TMF1: variants seen among roughly 807,000 people sequenced by gnomAD.
TMF1 encodes TATA element modulatory factor 1.
A neutral mutation model predicts 126.5 loss-of-function variants in TMF1; 71 were observed. That is an observed-to-expected ratio of 0.56 (90% CI 0.46 to 0.68). TMF1 has a LOEUF of 0.68. Among genes scored for constraint, TMF1 ranks in the 30% least tolerant of loss-of-function variants. The pLI is 0.00. For missense variants in TMF1, 1,259 were observed against 1,253.2 expected (o/e 1.00, Z -0.07); for synonymous variants, 461 against 430.5 (o/e 1.07, Z -0.88).
At chr3:69,047,244 C>T (rs185842953) in intron 2 of TMF1, 114 bp downstream of exon 2, 34 of 1,259,554 alleles carry the variant, frequency 2.7e-5, no homozygotes, top group Admixed American at 2.6e-5. Flanking sequence ...TGGCAAAATG[C>T]GTATGTTTTT....
At chr3:69,035,154 C>A in intron 8 of TMF1, 39 bp from the exon 9 acceptor site, 1 of 1,528,820 alleles carries the variant, frequency 6.5e-7, no homozygotes, top group East Asian at 2.2e-5. Context: ...AACAATGGTA[C>A]AGTATTATCT....
At chr3:69,029,065 G>A in intron 11 of TMF1, among the ~76,000 whole-genome samples, 1 of 149,632 alleles carries the variant, frequency 6.7e-6, no homozygotes, top group African/African-American at 2.5e-5. Context: ...TGGAGACGGA[G>A]TCTCGCTCTG....
At position 69,028,279 on chromosome 3, in the gene TMF1, C is replaced by T; in HGVS notation, c.2611G>A (p.Glu871Lys). The T allele has an allele frequency of 1.2e-6, 2 of 1,611,496 alleles. No homozygotes were observed. The highest frequency in any genetic ancestry group is 4.5e-5 in the East Asian group (2 of 44,836). ...CTTACATATTCATCTTTTAGGTTTT[C>T]CAATTCAACCTGGTACCTATTAAAC... ...DENNRYQVEL[E>K]NLKDEYVRTL... Residue 871 changes from glutamate to lysine, a missense_variant, in exon 12 of 17, where the codon GAA (glutamate) becomes AAA (lysine). By Grantham distance (56) the Glu-to-Lys change is moderately conservative. Transcript: ENST00000398559.
chr3:69,046,927 A>G (rs553782809), intron 2 of TMF1, among the ~76,000 whole-genome samples: 1 of 152,330 alleles, frequency 6.6e-6, no homozygotes, highest in East Asian at 1.9e-4. Context: ...TTTGCTACAA[A>G]TAATGTAAAC....
intron 13 of TMF1, 50 bp downstream of exon 13, chr3:69,027,850 G>C (rs1434948996): frequency 2.2e-6 from 2 of 917,236 alleles, no homozygotes; most frequent in African/African-American, 3.3e-5. Context: ...ATTAATCACA[G>C]CATCTACTAA....
chr3:69,037,178 A>T (rs1293390356), intron 8 of TMF1, among the ~76,000 whole-genome samples: 1 of 152,234 alleles, frequency 6.6e-6, no homozygotes, highest in Non-Finnish European at 1.5e-5. Flanking sequence ...ATGAAAAGAC[A>T]TCCAACATCA....
At chr3:69,046,871 T>C (rs1000073728) in intron 2 of TMF1, among the ~76,000 whole-genome samples, 5 of 152,144 alleles carry the variant, frequency 3.3e-5, no homozygotes, top group African/African-American at 2.4e-5. Context: ...AAAATACTAA[T>C]AACAGAAAAG....
At chr3:69,050,167 C>T (rs558449961) in intron 1 of TMF1, among the ~76,000 whole-genome samples, 21 of 150,214 alleles carry the variant, frequency 1.4e-4, no homozygotes, top group Admixed American at 1.2e-3. Context: ...GGTTGAGGCA[C>T]GAGAATCACT....
At chr3:69,029,042 A>T (rs867789196) in intron 11 of TMF1, among the ~76,000 whole-genome samples, 1,662 of 146,264 alleles carry the variant, frequency 0.011, 35 homozygotes, top group African/African-American at 0.039. Context: ...TACTTTATTT[A>T]TTTTTTTTTT....
At position 69,047,837 on chromosome 3, in the gene TMF1, G is replaced by C. The variant is rs750590071; in HGVS notation, c.868C>G (p.Gln290Glu). ...TDSKSSLHLM[Q>E]TSFQLLSASA... ...GCAGAGAGAAGCTGAAAAGATGTCTGCATCAAGTGAAGACTTGATTTTGAA... is the reference window on the plus strand; with the variant it reads ...GCAGAGAGAAGCTGAAAAGATGTCTCCATCAAGTGAAGACTTGATTTTGAA... The change falls in exon 2 of 17, where the codon CAG becomes GAG. Residue 290 changes from glutamine (Q) to glutamate (E), a missense_variant. Physicochemically the swap from Gln to Glu is conservative, Grantham distance 29. Transcript: ENST00000398559. 6.2e-7 allele frequency: 1 copy of C among 1,614,048 alleles called. No individual in the cohort carries two copies. The highest frequency in any genetic ancestry group is 1.7e-5 in the Admixed American group (1 of 60,020).
chr3:69,025,494 A>C, intron 15 of TMF1, 66 bp downstream of exon 15: 1 of 1,435,752 alleles, frequency 7.0e-7, no homozygotes, highest in Non-Finnish European at 9.5e-7. Flanking sequence ...GATGGAAATG[A>C]AGGGTGCTAT....
chr3:69,028,029 T>A, intron 12 of TMF1, 37 bp from the exon 13 acceptor site: 1 of 1,277,934 alleles, frequency 7.8e-7, no homozygotes, highest in African/African-American at 1.5e-5. Context: ...ATTTCTGTGA[T>A]AGTAATTCAT....
intron 1 of TMF1, among the ~76,000 whole-genome samples, chr3:69,049,443 A>G (rs1442811591): frequency 6.6e-6 from 1 of 152,250 alleles, no homozygotes; most frequent in African/African-American, 2.4e-5. Context: ...CGAAGATCAT[A>G]TTAAACTGAT....
chr3:69,035,202 A>G (rs1456721381), intron 8 of TMF1, 87 bp from the exon 9 acceptor site: 4 of 1,105,800 alleles, frequency 3.6e-6, no homozygotes, highest in Non-Finnish European at 5.4e-6. Flanking sequence ...TGTTGTGTCA[A>G]CATTGTTCAT....
intron 3 of TMF1, 117 bp from the exon 4 acceptor site, chr3:69,043,993 G>T (rs1223446680): frequency 1.3e-6 from 1 of 781,036 alleles, no homozygotes; most frequent in African/African-American, 1.8e-5. Context: ...TATTAAAATA[G>T]AACAGTTTTA....
At chr3:69,034,190 T>C (rs2091820155) in intron 9 of TMF1, among the ~76,000 whole-genome samples, 1 of 152,256 alleles carries the variant, frequency 6.6e-6, no homozygotes, top group East Asian at 1.9e-4. Context: ...AGTACTTCTT[T>C]GGCCAGGCAC....
In TMF1 at chr3:69,047,567, C is replaced by G. The variant is rs772821830; in HGVS notation, c.1138G>C (p.Val380Leu). 25 of 1,614,126 alleles carry G rather than the reference C, an allele frequency of 1.5e-5. No individual in the cohort carries two copies. The highest frequency in any genetic ancestry group is 2.1e-5 in the Non-Finnish European group (25 of 1,180,022). ...VESAEGKSEE[V>L]NETLVIPTEE... ...GTGGGTATAACTAATGTTTCATTTA[C>G]TTCTTCAGATTTTCCTTCAGCAGAT... is the stretch of plus-strand genomic sequence containing the variant. Residue 380 changes from valine (V) to leucine (L), a missense_variant, in exon 2 of 17, where the codon GTA becomes CTA. Coordinates refer to ENST00000398559, the MANE Select transcript of TMF1 (RefSeq NM_007114.3).
At chr3:69,034,918 C>T (rs2091824034) in intron 9 of TMF1, 105 bp downstream of exon 9, 2 of 1,028,580 alleles carry the variant, frequency 1.9e-6, no homozygotes, top group Non-Finnish European at 3.0e-6. Flanking sequence ...CTAGGTGTGA[C>T]AGTAATCCTC....
intron 11 of TMF1, 93 bp from the exon 12 acceptor site, chr3:69,028,388 A>C (rs1168048121): frequency 1.6e-5 from 12 of 731,666 alleles, no homozygotes; most frequent in Non-Finnish European, 2.7e-5. Flanking sequence ...CTCCAGCTAC[A>C]TATTGAGAAA....
Sources: gnomAD v4.1 joint callset for allele counts (sites outside exome capture counted in the v4.1 genomes callset) on GRCh38, gnomAD v4.1.1 for gene constraint, MANE v1.5 for transcripts, NCBI Gene and HGNC (gene_info 2026-07-23, HGNC 2026-07-21) for gene names.